PPAN: variants seen among roughly 807,000 people sequenced by gnomAD.
PPAN encodes suppressor of SWI4 1 homolog.
PPAN carries 39 observed loss-of-function variants against 48.5 expected under a neutral mutation model. The observed-to-expected ratio is 0.80, with a 90% CI of 0.62 to 1.05. PPAN has a LOEUF of 1.05. PPAN is among the 50% of genes least tolerant of loss of function. PPAN has a pLI of 0.00. For synonymous variants in PPAN, 315 were observed against 268.6 expected (o/e 1.17, Z -1.69); for missense variants, 736 against 661.7 (o/e 1.11, Z -1.23).
At position 10,111,165 on chromosome 19, in the gene PPAN, A is replaced by G; in HGVS notation, c.1422A>G (p.Ter474TrpextTer11). Residue 474 changes from the stop codon to tryptophan (W), a stop_lost, in exon 12 of 12, where the codon TGA becomes TGG. Coordinates refer to ENST00000253107, the MANE Select transcript of PPAN (RefSeq NM_020230.7). ...GCCGCCCAGGGAAGAGAGTGGCCTG[A>G]GCCCAAGCCGCACCGGAGCAGCGGC... ...GRGRPGKRVA[*>W] 1.0e-5 allele frequency: 16 copies of G among 1,571,652 alleles called. No individual in the cohort carries two copies. The highest frequency in any genetic ancestry group is 1.4e-5 in the Non-Finnish European group (16 of 1,161,232).
At chr19:10,109,549 A>C (rs547901777) in intron 5 of PPAN, 82 bp from the exon 6 acceptor site, 2 of 1,441,702 alleles carry the variant, frequency 1.4e-6, no homozygotes, top group African/African-American at 1.4e-5. Flanking sequence ...GTCCACGAAC[A>C]GTGTGTGTAT....
chr19:10,109,510 TG>T, intron 5 of PPAN, 120 bp from the exon 6 acceptor site: 1 of 1,218,582 alleles, frequency 8.2e-7, no homozygotes, highest in Non-Finnish European at 1.1e-6. Flanking sequence ...AGGTGCGAGC[TG>T]GAAGCAGCAT....
At chr19:10,106,866 G>T (rs2088849621) in intron 2 of PPAN, 195 bp downstream of exon 2, 5 of 891,038 alleles carry the variant, frequency 5.6e-6, no homozygotes, top group Non-Finnish European at 8.3e-6. Flanking sequence ...TTGGGAGATA[G>T]ATAGTCGCCT....
rs749808873 is a variant in PPAN, at chr19:10,109,977, C to A, written c.655C>A (p.Pro219Thr). The A allele has an allele frequency of 3.7e-6, 6 of 1,614,042 alleles. No homozygotes were observed. In the South Asian group the frequency reaches 4.4e-5, roughly 12 times the overall value. ...GAAGAAGCTGCTCCAGGAGAAGTTC[C>A]CCAACATGAGCCGCCTGCAGGACAT... ...GMKKLLQEKF[P>T]NMSRLQDISE... Residue 219 changes from proline to threonine, a missense_variant, in exon 7 of 12, where the codon CCC becomes ACC. Pro to Thr is a conservative substitution (Grantham distance 38). Coordinates refer to ENST00000253107, the MANE Select transcript of PPAN (RefSeq NM_020230.7).
At chr19:10,109,833 T>G in intron 6 of PPAN, 80 bp from the exon 7 acceptor site, 1 of 1,597,308 alleles carries the variant, frequency 6.3e-7, no homozygotes, top group Non-Finnish European at 8.6e-7. Context: ...TGACGCACTG[T>G]GGGAAGGGTG....
At chr19:10,108,410 G>A (rs559771550) in intron 5 of PPAN, among the ~76,000 whole-genome samples, 37 of 152,252 alleles carry the variant, frequency 2.4e-4, no homozygotes, top group African/African-American at 7.9e-4. Context: ...TGAGTGCTGG[G>A]CTGAGCAGGA....
At chr19:10,106,785 A>C in intron 2 of PPAN, 114 bp downstream of exon 2, 1 of 1,414,162 alleles carries the variant, frequency 7.1e-7, no homozygotes, top group Non-Finnish European at 9.3e-7. Flanking sequence ...CAGCTGGAAA[A>C]AAAGACCCTC....
chr19:10,111,650 T>G lies in PPAN; in HGVS notation c.*485T>G. The G allele has an allele frequency of 6.3e-7, 1 of 1,596,320 alleles. No individual in the cohort carries two copies. Among genetic ancestry groups the G allele is most frequent in the African/African-American group, 1.3e-5 (1 of 74,680 alleles). On this transcript the variant is annotated 3_prime_UTR_variant, in exon 12 of 12. Coordinates refer to ENST00000253107, the MANE Select transcript of PPAN (RefSeq NM_020230.7). ...GGGATGGGGCTGGGGCAGGGCCCAC[T>G]AAGCCACTGGTGACTGGGGGAGGGG...
rs370072562 is a variant in PPAN at position 10,110,647 on chromosome 19, G to C, written c.1031+33G>C. 41 of 1,610,896 alleles carry C rather than the reference G, an allele frequency of 2.5e-5. No homozygotes were observed. In the South Asian group the frequency reaches 3.2e-4, roughly 13 times the overall value. On this transcript the variant is annotated intron_variant, in intron 10 of 11. Coordinates refer to ENST00000253107, the MANE Select transcript of PPAN (RefSeq NM_020230.7). This position sits in a 1 kb window ranked among gnomAD's most constrained non-coding sequence, Gnocchi z 5.9. ...CAGAGCTGGGAAGGGCAGGGCCAAGGGGGGGTCCCTGGGATGGGCGGCTAT... is the reference window on the plus strand; with the variant it reads ...CAGAGCTGGGAAGGGCAGGGCCAAGCGGGGGTCCCTGGGATGGGCGGCTAT...
chr19:10,106,364 A>G lies in PPAN; in HGVS notation c.-31A>G, dbSNP rs746069216. On this transcript the variant is annotated 5_prime_UTR_variant, in exon 1 of 12. Transcript: ENST00000253107. ...AGCTGCGCAGCGCCGGAAGCGGCGGACGCAGGAGGCCTCGTGGAGGACACA... is the reference window on the plus strand; with the variant it reads ...AGCTGCGCAGCGCCGGAAGCGGCGGGCGCAGGAGGCCTCGTGGAGGACACA... 3 of 1,548,802 alleles carry G rather than the reference A, an allele frequency of 1.9e-6. No individual in the cohort carries two copies. The highest frequency in any genetic ancestry group is 1.4e-5 in the African/African-American group (1 of 72,868).
chr19:10,110,012 G>T lies in PPAN; in HGVS notation c.690G>T (p.Leu230=). The part of the protein sequence containing the change: ...NMSRLQDISE[L]LATGAGLSES... ...GCCGCCTGCAGGACATCAGCGAGCTGCTGGCCACGTGAGGAGGGCATAGGG... is the reference window on the plus strand; with the variant it reads ...GCCGCCTGCAGGACATCAGCGAGCTTCTGGCCACGTGAGGAGGGCATAGGG... Residue 230 remains leucine (L), a synonymous_variant, in exon 7 of 12, where the codon CTG becomes CTT. Coordinates refer to ENST00000253107, the MANE Select transcript of PPAN (RefSeq NM_020230.7). The surrounding 1 kb of genome is among the most constrained non-coding windows in gnomAD (Gnocchi z 5.9). The T allele has an allele frequency of 6.2e-7, 1 of 1,613,924 alleles. No homozygotes were observed. The highest frequency in any genetic ancestry group is 1.1e-5 in the South Asian group (1 of 91,086).
upstream of PPAN, chr19:10,106,352 C>A: frequency 1.3e-6 from 2 of 1,548,674 alleles, no homozygotes; most frequent in Non-Finnish European, 1.7e-6. Context: ...TGCGCAGCGC[C>A]GGAAGCGGCG....
At chr19:10,106,277 C>T (rs2088817616), upstream of PPAN, 5 of 1,496,120 alleles carry the variant, frequency 3.3e-6, no homozygotes, top group East Asian at 5.0e-5. Flanking sequence ...CCAGAGGCCA[C>T]CTAGTGCGCA....
rs2088876228 is a variant in PPAN at position 10,107,619 on chromosome 19, C to T, written c.291+13C>T. 1 of 1,613,102 alleles carries T rather than the reference C, an allele frequency of 6.2e-7. No homozygotes were observed. Among genetic ancestry groups the T allele is most frequent in the Non-Finnish European group, 8.5e-7 (1 of 1,179,296 alleles). On this transcript the variant is annotated intron_variant, in intron 3 of 11. Transcript: ENST00000253107. ...CAATGTCTACTTTGTGAGTAGACGC[C>T]CTCACCCTTCATCTCCCCCAGACCC...
rs1284864331 is a variant in PPAN, at chr19:10,111,506, GCAGA to G, written c.*345_*348del. 1 of 643,880 alleles carries G rather than the reference GCAGA, an allele frequency of 1.6e-6. No individual in the cohort carries two copies. Among genetic ancestry groups the G allele is most frequent in the South Asian group, 1.9e-5 (1 of 53,102 alleles). 39.9% of individuals were successfully genotyped at this position (643,880 alleles called of 1,614,324 possible). Reference sequence around the variant, plus strand: ...CCAGTCCCACCAAAGAGCCGTGCAAGCAGACAGGTCACACTTTCAGCAGATGAGC... The same window carrying G: ...CCAGTCCCACCAAAGAGCCGTGCAAGCAGGTCACACTTTCAGCAGATGAGC... On this transcript the variant is annotated 3_prime_UTR_variant, in exon 12 of 12. Transcript: ENST00000253107.
At position 10,107,979 on chromosome 19, in the gene PPAN, G is replaced by A. The variant is rs1254235831; in HGVS notation, c.358G>A (p.Asp120Asn). 6.2e-7 allele frequency: 1 copy of A among 1,608,812 alleles called. No individual in the cohort carries two copies. Among genetic ancestry groups the A allele is most frequent in the Non-Finnish European group, 8.5e-7 (1 of 1,176,974 alleles). The change falls in exon 5 of 12, where the codon GAT (aspartate) becomes AAT (asparagine). Residue 120 changes from aspartate (D) to asparagine (N), a missense_variant. Physicochemically the swap from Asp to Asn is conservative, Grantham distance 23 (BLOSUM62 1). Coordinates refer to ENST00000253107, the MANE Select transcript of PPAN (RefSeq NM_020230.7). ...FQVKKYSLVR[D>N]VVSSLRRHRM... ...TGTCCTACAGTACTCGCTGGTGCGT[G>A]ATGTGGTCTCCTCACTGCGCCGGCA...
Position 10,109,946 on chromosome 19 carries a change from C to G in PPAN, c.624C>G (p.Arg208=). The change falls in exon 7 of 12, where the codon CGC becomes CGG. Residue 208 remains arginine (R), a synonymous_variant. Transcript: ENST00000253107. ...SIKVVPVGAS[R]GMKKLLQEKF... is the part of the protein sequence containing the mutation. ...AAGTTGTTCCTGTGGGCGCGAGTCG[C>G]GGGATGAAGAAGCTGCTCCAGGAGA... is the stretch of plus-strand genomic sequence containing the variant. 6.2e-7 allele frequency: 1 copy of G among 1,614,058 alleles called. No homozygotes were observed. The highest frequency in any genetic ancestry group is 8.5e-7 in the Non-Finnish European group (1 of 1,179,948).
chr19:10,108,524 G>T (rs1254662290), intron 5 of PPAN, among the ~76,000 whole-genome samples: 1 of 152,104 alleles, frequency 6.6e-6, no homozygotes, highest in Admixed American at 6.6e-5. Flanking sequence ...CGAGGTGGGA[G>T]GATCGCTTGA....
chr19:10,111,670 G>T lies in PPAN; in HGVS notation c.*505G>T. ...CCCACTAAGCCACTGGTGACTGGGG[G>T]AGGGGCTGGGGAACTGGGTAGCAGA... On this transcript the variant is annotated 3_prime_UTR_variant, in exon 12 of 12. Transcript: ENST00000253107. 1.2e-6 allele frequency: 2 copies of T among 1,612,468 alleles called. No homozygotes were observed. The highest frequency in any genetic ancestry group is 8.5e-7 in the Non-Finnish European group (1 of 1,179,120).
Sources: allele counts gnomAD v4.1 joint callset (sites outside exome capture counted in the v4.1 genomes callset), GRCh38; gene constraint gnomAD v4.1.1; non-coding constraint Gnocchi (gnomAD v3.1); transcripts MANE v1.5; gene names NCBI Gene and HGNC (gene_info 2026-07-23, HGNC 2026-07-21).